Variants in NDUFAF2 observed in about 807,000 individuals in gnomAD.
NDUFAF2 encodes the protein NADH:ubiquinone oxidoreductase complex assembly factor 2, also known as NADH dehydrogenase [ubiquinone] 1 alpha subcomplex assembly factor 2.
A neutral mutation model predicts 22.8 loss-of-function variants in NDUFAF2; 13 were observed. That is an observed-to-expected ratio of 0.57 (90% CI 0.37 to 0.91). The LOEUF (loss-of-function observed/expected upper bound fraction) is 0.91. Ranked by LOEUF, NDUFAF2 falls within the 40% of genes least tolerant of loss-of-function variation. The pLI is 0.01. For synonymous variants in NDUFAF2, 53 were observed against 64.2 expected (o/e 0.83, Z 0.84); for missense variants, 162 against 195.2 (o/e 0.83, Z 1.01).
At chr5:61,069,913 A>G (rs896410126) in intron 1 of NDUFAF2, among the ~76,000 whole-genome samples, 4 of 152,102 alleles carry the variant, frequency 2.6e-5, no homozygotes, top group Admixed American at 1.3e-4. Context: ...TAAAGTTTGG[A>G]AAAATATACT....
At chr5:61,108,157 A>G (rs1752792159) in intron 3 of NDUFAF2, among the ~76,000 whole-genome samples, 1 of 148,418 alleles carries the variant, frequency 6.7e-6, no homozygotes. Flanking sequence ...GCTGCAATAA[A>G]CATACGTGTG....
At chr5:61,143,960 T>TTGTGTGTG (rs58281805) in intron 3 of NDUFAF2, among the ~76,000 whole-genome samples, 12 of 98,140 alleles carry the variant, frequency 1.2e-4, no homozygotes, top group African/African-American at 1.7e-4. Context: ...TGGCATATTT[T>TTGTGTGTG]TGTGTGTGTG....
intron 3 of NDUFAF2, among the ~76,000 whole-genome samples, chr5:61,138,011 T>C (rs1274897393): frequency 6.6e-6 from 1 of 152,178 alleles, no homozygotes; most frequent in Non-Finnish European, 1.5e-5. Flanking sequence ...GGAAAACCAT[T>C]AGAAAGGTGG....
intron 1 of NDUFAF2, among the ~76,000 whole-genome samples, chr5:60,976,034 C>T (rs1450624932): frequency 6.6e-6 from 1 of 152,180 alleles, no homozygotes; most frequent in Non-Finnish European, 1.5e-5. Flanking sequence ...GTAGCTTGGC[C>T]TCTGGCCTTC....
intron 1 of NDUFAF2, among the ~76,000 whole-genome samples, chr5:61,025,249 T>C (rs938098058): frequency 1.3e-5 from 2 of 152,110 alleles, no homozygotes; most frequent in African/African-American, 4.8e-5. Flanking sequence ...TAGGAGATGT[T>C]CAATATATAT....
chr5:61,062,378 CAG>C (rs942660834), intron 1 of NDUFAF2, among the ~76,000 whole-genome samples: 2 of 151,936 alleles, frequency 1.3e-5, no homozygotes, highest in African/African-American at 4.8e-5. Flanking sequence ...ATGAACAAAA[CAG>C]AAATCTTGGA....
intron 1 of NDUFAF2, among the ~76,000 whole-genome samples, chr5:60,958,831 A>T (rs1432536534): frequency 1.3e-5 from 2 of 152,116 alleles, no homozygotes; most frequent in Admixed American, 1.3e-4. Context: ...GGACTAAAAT[A>T]TTCTCATTAG....
At chr5:61,067,622 G>A (rs568974393) in intron 1 of NDUFAF2, among the ~76,000 whole-genome samples, 32 of 152,148 alleles carry the variant, frequency 2.1e-4, no homozygotes, top group South Asian at 6.2e-4. Context: ...ATAAACATAC[G>A]TGTGCATGTG....
intron 1 of NDUFAF2, among the ~76,000 whole-genome samples, chr5:61,054,063 C>T (rs554408501): frequency 1.3e-5 from 2 of 151,940 alleles, no homozygotes; most frequent in African/African-American, 2.4e-5. Flanking sequence ...TAGCTGGGCA[C>T]GTTGGCATGT....
chr5:60,957,141 TTTTA>T (rs555869790), intron 1 of NDUFAF2, among the ~76,000 whole-genome samples: 2 of 152,142 alleles, frequency 1.3e-5, no homozygotes, highest in Non-Finnish European at 2.9e-5. Flanking sequence ...AGAATCACTG[TTTTA>T]TTTATTTTTA....
chr5:61,011,007 C>T (rs573271066), intron 1 of NDUFAF2, among the ~76,000 whole-genome samples: 11 of 152,004 alleles, frequency 7.2e-5, no homozygotes, highest in Non-Finnish European at 1.6e-4. Flanking sequence ...GCAGAGTAGC[C>T]AGATAGAAGG....
chr5:60,960,869 A>C (rs940216456), intron 1 of NDUFAF2, among the ~76,000 whole-genome samples: 1 of 152,044 alleles, frequency 6.6e-6, no homozygotes, highest in Admixed American at 6.5e-5. Flanking sequence ...TTGTGTTTAC[A>C]CTTTTTTTCC....
At chr5:61,066,928 A>T (rs1752235049) in intron 1 of NDUFAF2, among the ~76,000 whole-genome samples, 1 of 152,096 alleles carries the variant, frequency 6.6e-6, no homozygotes, top group Non-Finnish European at 1.5e-5. Context: ...TACCTGGGAC[A>T]GGAAGGGGTG....
intron 1 of NDUFAF2, among the ~76,000 whole-genome samples, chr5:60,984,855 CT>C (rs771004377): frequency 6.7e-6 from 1 of 149,184 alleles, no homozygotes; most frequent in Non-Finnish European, 1.5e-5. Flanking sequence ...GTAAAATTCT[CT>C]TTTTTTGTTG....
chr5:61,101,173 CA>C (rs1240489401), intron 3 of NDUFAF2, among the ~76,000 whole-genome samples: 1 of 151,796 alleles, frequency 6.6e-6, no homozygotes, highest in Non-Finnish European at 1.5e-5. Context: ...TAAACCGTAA[CA>C]AAAAAATAGC....
chr5:61,040,251 G>GACACACACAC (rs55910021), intron 1 of NDUFAF2, among the ~76,000 whole-genome samples: 2,460 of 131,866 alleles, frequency 0.019, 54 homozygotes, highest in Admixed American at 0.042. Context: ...AAGAGGAAAG[G>GACACACACAC]ACACACACAC....
At chr5:61,016,495 G>A (rs1355869417) in intron 1 of NDUFAF2, among the ~76,000 whole-genome samples, 2 of 152,172 alleles carry the variant, frequency 1.3e-5, no homozygotes, top group Non-Finnish European at 2.9e-5. Context: ...AAATAACTAT[G>A]TGGTTGGAAA....
At chr5:60,966,103 C>T (rs189488155) in intron 1 of NDUFAF2, among the ~76,000 whole-genome samples, 4 of 152,138 alleles carry the variant, frequency 2.6e-5, no homozygotes, top group East Asian at 1.9e-4. Context: ...TTTTAATTTG[C>T]GTTTTCCTGA....
intron 1 of NDUFAF2, among the ~76,000 whole-genome samples, chr5:61,012,470 A>G (rs1027129177): frequency 2.6e-5 from 4 of 152,148 alleles, no homozygotes; most frequent in African/African-American, 9.7e-5. Flanking sequence ...TTAAGTAAAT[A>G]TGCATGTGTA....
Sources: allele counts gnomAD v4.1 joint callset (sites outside exome capture counted in the v4.1 genomes callset), GRCh38; gene constraint gnomAD v4.1.1; transcripts MANE v1.5; gene names NCBI Gene and HGNC (gene_info 2026-07-23, HGNC 2026-07-21).